NOX4: variants seen among roughly 807,000 people sequenced by gnomAD.
The protein encoded by NOX4 is NADPH oxidase 4, also known as kidney oxidase-1.
In NOX4, 69 loss-of-function variants were observed where a neutral mutation model predicts 87.6. The ratio of observed to expected loss-of-function variants is 0.79; its 90% CI spans 0.65 to 0.96. NOX4 has a LOEUF of 0.96. Ranked by LOEUF, NOX4 falls within the 40% of genes least tolerant of loss-of-function variation. The pLI, the probability that NOX4 is intolerant of heterozygous loss-of-function variation, is 0.00. For synonymous variants in NOX4, 275 were observed against 238.2 expected, an observed-to-expected ratio of 1.15 and a Z score of -1.42; for missense variants, 680 against 681.5, an observed-to-expected ratio of 1.00 and a Z score of 0.02.
At chr11:89,424,874 T>C (rs1943291494) in intron 7 of NOX4, among the ~76,000 whole-genome samples, 1 of 152,038 alleles carries the variant, frequency 6.6e-6, no homozygotes, top group Non-Finnish European at 1.5e-5. Context: ...AAAGAAAAGG[T>C]AAAATAAAAG....
the NOX4 span, among the ~76,000 whole-genome samples, chr11:89,503,829 A>G: frequency 6.8e-6 from 1 of 148,068 alleles, no homozygotes; most frequent in Non-Finnish European, 1.5e-5. Flanking sequence ...CATGCAACAT[A>G]TATTAATTGA....
chr11:89,464,088 T>C (rs1945579357), intron 2 of NOX4, among the ~76,000 whole-genome samples: 1 of 152,110 alleles, frequency 6.6e-6, no homozygotes, highest in Admixed American at 6.6e-5. Context: ...CATCCATATT[T>C]CCTTTGAGAT....
At position 89,438,947 on chromosome 11, in the gene NOX4, T is replaced by C. The variant is rs561288089; in HGVS notation, c.475+1741A>G. Among the ~76,000 whole-genome samples the C allele has an allele frequency of 3.6e-3, 271 of 74,624 alleles. 5 individuals are homozygous for C. The highest frequency in any genetic ancestry group is 0.013 in the African/African-American group (261 of 20,026). 49.0% of individuals were successfully genotyped at this position (74,624 alleles called of 152,430 possible). A position where few individuals can be genotyped will look rare whatever the true frequency, so the allele number is the denominator to read the frequency against. ...ATATATAATAATATAATATATATTA[T>C]TTTATATATAATAATATATAATATA... On this transcript the variant is annotated intron_variant, in intron 6 of 17. Transcript: ENST00000263317.
chr11:89,549,424 CTT>C, the NOX4 span, among the ~76,000 whole-genome samples: 3 of 152,146 alleles, frequency 2.0e-5, no homozygotes, highest in South Asian at 6.2e-4. Context: ...ACATAAAACA[CTT>C]TTTATGTATT....
chr11:89,445,622 T>C lies in NOX4; in HGVS notation c.350-1390A>G, dbSNP rs532966969. Among the ~76,000 whole-genome samples the C allele has an allele frequency of 4.2e-4, 64 of 152,034 alleles. 4 individuals carry two copies. The highest frequency in any genetic ancestry group is 1.8e-4 in the Non-Finnish European group (12 of 67,988). ...AGCAAAAGCAATACAAAGAAGAAAATGCGTTTGTCACAAATGGACCTGAAA... is the reference window on the plus strand; with the variant it reads ...AGCAAAAGCAATACAAAGAAGAAAACGCGTTTGTCACAAATGGACCTGAAA... On this transcript the variant is annotated intron_variant, in intron 4 of 17. Transcript: ENST00000263317.
intron 5 of NOX4, among the ~76,000 whole-genome samples, chr11:89,443,034 G>A (rs1344577466): frequency 6.6e-6 from 1 of 152,108 alleles, no homozygotes; most frequent in Admixed American, 6.6e-5. Context: ...TCACTGGCCT[G>A]CTAAGGAGCG....
chr11:89,489,179 T>G (rs574975416), intron 2 of NOX4, among the ~76,000 whole-genome samples: 1 of 152,312 alleles, frequency 6.6e-6, no homozygotes, highest in East Asian at 1.9e-4. Flanking sequence ...AGGCTTAATA[T>G]GTGCCAATCA....
chr11:89,462,571 A>G (rs1308800360), intron 2 of NOX4, among the ~76,000 whole-genome samples: 1 of 152,092 alleles, frequency 6.6e-6, no homozygotes, highest in Non-Finnish European at 1.5e-5. Flanking sequence ...TCAATTATAC[A>G]TATATAGATG....
At chr11:89,557,352 C>T in the NOX4 span, 3 of 152,118 alleles carry the variant, frequency 2.0e-5, no homozygotes, top group Non-Finnish European at 4.4e-5. Flanking sequence ...CTGACAACTA[C>T]TCCGGAAAAG....
At chr11:89,355,318 T>C (rs1391494066) in intron 12 of NOX4, among the ~76,000 whole-genome samples, 1 of 147,500 alleles carries the variant, frequency 6.8e-6, no homozygotes, top group African/African-American at 2.5e-5. Flanking sequence ...ATAAATAATA[T>C]ATATTCATAT....
At chr11:89,480,720 A>G (rs535108692) in intron 2 of NOX4, among the ~76,000 whole-genome samples, 2 of 152,234 alleles carry the variant, frequency 1.3e-5, no homozygotes, top group Non-Finnish European at 2.9e-5. Flanking sequence ...AGAACATAAC[A>G]GGAACTTGGC....
intron 2 of NOX4, among the ~76,000 whole-genome samples, chr11:89,459,125 C>A (rs1945337804): frequency 1.3e-5 from 2 of 151,984 alleles, no homozygotes; most frequent in Admixed American, 1.3e-4. Context: ...ACTGCACAGC[C>A]ATAAAAAGAA....
At chr11:89,385,462 A>G (rs1940634397) in intron 11 of NOX4, among the ~76,000 whole-genome samples, 1 of 152,152 alleles carries the variant, frequency 6.6e-6, no homozygotes, top group African/African-American at 2.4e-5. Flanking sequence ...ACTTCCAACT[A>G]TCAATCTCTT....
At chr11:89,483,067 G>T (rs1279826157) in intron 2 of NOX4, among the ~76,000 whole-genome samples, 2 of 151,972 alleles carry the variant, frequency 1.3e-5, no homozygotes, top group Non-Finnish European at 2.9e-5. Flanking sequence ...AAAGCAAATA[G>T]TTCCTAATCT....
At chr11:89,566,082 G>A in the NOX4 span, among the ~76,000 whole-genome samples, 25 of 140,632 alleles carry the variant, frequency 1.8e-4, 1 homozygote, top group Admixed American at 1.2e-3. Flanking sequence ...GCGCTCTGTC[G>A]CCTAGGCTGG....
At chr11:89,516,416 A>G in the NOX4 span, among the ~76,000 whole-genome samples, 1 of 152,118 alleles carries the variant, frequency 6.6e-6, no homozygotes, top group Admixed American at 6.6e-5. Flanking sequence ...TACTATCATC[A>G]GACTAACTAT....
intron 11 of NOX4, among the ~76,000 whole-genome samples, chr11:89,382,669 G>A (rs886881614): frequency 1.3e-5 from 2 of 151,846 alleles, no homozygotes; most frequent in African/African-American, 2.4e-5. Flanking sequence ...CTGCCAGGCT[G>A]AATCAGGCTC....
chr11:89,418,186 G>C (rs1233490291), intron 8 of NOX4, among the ~76,000 whole-genome samples: 1 of 151,818 alleles, frequency 6.6e-6, no homozygotes. Flanking sequence ...TTGTAGTGAA[G>C]AAAGTGAGAC....
At chr11:89,543,187 C>A in the NOX4 span, among the ~76,000 whole-genome samples, 1 of 152,086 alleles carries the variant, frequency 6.6e-6, no homozygotes, top group South Asian at 2.1e-4. Context: ...TTCACTTGTA[C>A]TGCCTAAATC....
Sources: allele counts gnomAD v4.1 joint callset (sites outside exome capture counted in the v4.1 genomes callset), GRCh38; gene constraint gnomAD v4.1.1; transcripts MANE v1.5; gene names NCBI Gene and HGNC (gene_info 2026-07-23, HGNC 2026-07-21).